The following SRFBP1 variants were observed in gnomAD, a reference collection of about 807,000 sequenced individuals.
SRFBP1 encodes the protein serum response factor binding protein 1.
Under a neutral mutation model 45.5 loss-of-function variants are expected in SRFBP1, and 47 were observed. That is an observed-to-expected ratio of 1.03 (90% CI 0.82 to 1.32). SRFBP1 has a LOEUF of 1.32. Ranked by LOEUF, SRFBP1 falls within the 40% of genes most tolerant of loss-of-function variation. The pLI is 0.00. For missense variants in SRFBP1, 621 were observed against 484.6 expected (o/e 1.28, Z -2.64); for synonymous variants, 203 against 166.3 (o/e 1.22, Z -1.70).
chr5:122,053,782 G>A (rs909235193), intron 2 of SRFBP1, among the ~76,000 whole-genome samples: 4 of 152,148 alleles, frequency 2.6e-5, no homozygotes, highest in Non-Finnish European at 5.9e-5. Flanking sequence ...GGACCCCTGG[G>A]CCAGAAACTC....
intron 3 of SRFBP1, among the ~76,000 whole-genome samples, chr5:121,981,788 T>C (rs1752413321): frequency 6.6e-6 from 1 of 152,104 alleles, no homozygotes; most frequent in Non-Finnish European, 1.5e-5. Context: ...TTTTACTTTG[T>C]ATGTATTTCC....
intron 2 of SRFBP1, among the ~76,000 whole-genome samples, chr5:122,060,816 C>A (rs376643197): frequency 6.6e-6 from 1 of 152,102 alleles, no homozygotes; most frequent in African/African-American, 2.4e-5. Flanking sequence ...TCTGCTCCTG[C>A]AGCAAACTCC....
Sources: allele counts gnomAD v4.1 joint callset (sites outside exome capture counted in the v4.1 genomes callset), GRCh38; gene constraint gnomAD v4.1.1; transcripts MANE v1.5; gene names NCBI Gene and HGNC (gene_info 2026-07-23, HGNC 2026-07-21).